The following IL1RAPL1 variants were observed in gnomAD, a reference collection of about 807,000 sequenced individuals.
IL1RAPL1 encodes interleukin-1 receptor accessory protein-like 1.
IL1RAPL1 carries 3 observed loss-of-function variants against 48.4 expected under a neutral mutation model. The ratio of observed to expected loss-of-function variants is 0.06; its 90% CI spans 0.03 to 0.16. The LOEUF is 0.16. IL1RAPL1 is among the 10% of genes least tolerant of loss of function. IL1RAPL1 has a pLI of 1.00. For synonymous variants in IL1RAPL1, 185 were observed against 187.7 expected (o/e 0.99, Z 0.12); for missense variants, 349 against 530.6 (o/e 0.66, Z 3.36).
At chrX:29,309,109 C>G (rs1222254905) in intron 3 of IL1RAPL1, among the ~76,000 whole-genome samples, 1 of 112,298 alleles carries the variant, frequency 8.9e-6, no homozygotes, top group Non-Finnish European at 1.9e-5. Context: ...TATTCTATCT[C>G]TTTTAGTCAA....
At chrX:29,711,671 T>C (rs1416954689) in intron 6 of IL1RAPL1, among the ~76,000 whole-genome samples, 6 of 111,530 alleles carry the variant, frequency 5.4e-5, no homozygotes, top group African/African-American at 2.0e-4. Flanking sequence ...CATGATTATC[T>C]AGATTCTATT....
At chrX:28,965,963 C>T (rs920689330) in intron 2 of IL1RAPL1, among the ~76,000 whole-genome samples, 1 of 106,901 alleles carries the variant, frequency 9.4e-6, no homozygotes, top group African/African-American at 3.4e-5. Flanking sequence ...AAAATACTCA[C>T]GAAGCCCTTT....
rs139201623 is a variant in IL1RAPL1, at chrX:29,681,278, G to T, written c.778+12774G>T. On this transcript the variant is annotated intron_variant, in intron 6 of 10. Transcript: ENST00000378993. The stretch of plus-strand genomic sequence containing the variant: ...AGCCGGTAGGCTCTGGATTCAGAAT[G>T]GCTATCACGAAATATGAATCTGTTC... 3.4e-3 allele frequency among the ~76,000 whole-genome samples: 385 copies of T among 112,275 alleles called. 3 individuals are homozygous for T. The highest frequency in any genetic ancestry group is 0.012 in the African/African-American group (366 of 30,928).
chrX:29,457,321 T>C (rs1934751746), intron 5 of IL1RAPL1, among the ~76,000 whole-genome samples: 1 of 109,703 alleles, frequency 9.1e-6, no homozygotes, highest in African/African-American at 3.3e-5. Flanking sequence ...TAATACCCAA[T>C]AGGATGTTTT....
chrX:29,676,175 A>G (rs1926281156), intron 6 of IL1RAPL1, among the ~76,000 whole-genome samples: 1 of 111,862 alleles, frequency 8.9e-6, no homozygotes, highest in Admixed American at 9.5e-5. Context: ...GTACCAAGAT[A>G]GTACTGCTTC....
intron 8 of IL1RAPL1, among the ~76,000 whole-genome samples, chrX:29,931,476 C>G (rs1201540660): frequency 9.0e-6 from 1 of 111,069 alleles, no homozygotes. Flanking sequence ...TTCAGTAAGT[C>G]AGAAATCCAT....
In IL1RAPL1 at chrX:28,840,952, A is replaced by G. The variant is rs751748570; in HGVS notation, c.82+51527A>G. Among the ~76,000 whole-genome samples, 20 of 111,414 alleles carry G rather than the reference A, an allele frequency of 1.8e-4. 1 individual carries two copies. In the South Asian group the frequency reaches 5.1e-3, roughly 29 times the overall value. On this transcript the variant is annotated intron_variant, in intron 2 of 10. Coordinates refer to ENST00000378993, the MANE Select transcript of IL1RAPL1 (RefSeq NM_014271.4). ...GTGGTCTTGTAAAATAGTCCTGTTT[A>G]TGAACAATTCTATTTCAGTACGACA...
At position 29,843,622 on chromosome X, in the gene IL1RAPL1, G is replaced by T. The variant is rs765377022; in HGVS notation, c.779-73842G>T. 9.9e-5 allele frequency among the ~76,000 whole-genome samples: 11 copies of T among 111,078 alleles called. 1 individual carries two copies. The South Asian group carries it at 3.8e-3, about 39-fold the overall frequency. On this transcript the variant is annotated intron_variant, in intron 6 of 10. Transcript: ENST00000378993. ...CGTAGGCAGGGCTTGGTCTTTTCTG[G>T]GGACTCTAGAAGGTAATTTGTTTCC...
chrX:29,509,913 A>G (rs1245954984), intron 5 of IL1RAPL1, among the ~76,000 whole-genome samples: 1 of 112,281 alleles, frequency 8.9e-6, no homozygotes, highest in Non-Finnish European at 1.9e-5. Flanking sequence ...ATTTAATAAA[A>G]TTGAAATAAA....
intron 6 of IL1RAPL1, among the ~76,000 whole-genome samples, chrX:29,672,538 C>G (rs761203470): frequency 2.8e-4 from 31 of 111,236 alleles, no homozygotes; most frequent in Non-Finnish European, 5.5e-4. Context: ...TAAATGTCTA[C>G]CCTTGAGAAA....
At chrX:29,333,288 CCA>C (rs1932910398) in intron 3 of IL1RAPL1, among the ~76,000 whole-genome samples, 1 of 108,875 alleles carries the variant, frequency 9.2e-6, no homozygotes, top group Non-Finnish European at 1.9e-5. Flanking sequence ...CTGACCCCCC[CCA>C]CCATCCTCCC....
chrX:29,329,483 G>T (rs1156831537), intron 3 of IL1RAPL1, among the ~76,000 whole-genome samples: 1 of 111,087 alleles, frequency 9.0e-6, no homozygotes, highest in African/African-American at 3.3e-5. Flanking sequence ...ACAAAACGTG[G>T]CCTATCTTTA....
At chrX:29,550,830 C>T (rs1297546636) in intron 5 of IL1RAPL1, among the ~76,000 whole-genome samples, 2 of 111,831 alleles carry the variant, frequency 1.8e-5, no homozygotes, top group Non-Finnish European at 3.8e-5. Context: ...GGTAAATAAT[C>T]GCATAACATA....
Position 29,319,470 on chromosome X carries a change from C to T in IL1RAPL1, c.362+36253C>T, listed in dbSNP as rs1176008044. 3.0e-5 allele frequency among the ~76,000 whole-genome samples: 3 copies of T among 99,236 alleles called. No homozygotes were observed. In the East Asian group the frequency reaches 9.4e-4, roughly 31 times the overall value. The allele number at this position is 99,236 out of a possible 115,157, so 86.2% of individuals were successfully genotyped here. A position where few individuals can be genotyped will look rare whatever the true frequency, so the allele number is the denominator to read the frequency against. On this transcript the variant is annotated intron_variant, in intron 3 of 10. Coordinates refer to ENST00000378993, the MANE Select transcript of IL1RAPL1 (RefSeq NM_014271.4). ...CCTCCTACCTCAGCCTCCCAAAGTG[C>T]TGGGATTATAGACATAAGTCACCAT...
Position 29,314,828 on chromosome X carries a change from T to A in IL1RAPL1, c.362+31611T>A, listed in dbSNP as rs569497248. Among the ~76,000 whole-genome samples, 43 of 112,631 alleles carry A rather than the reference T, an allele frequency of 3.8e-4. No homozygotes were observed. The South Asian group carries it at 0.016, about 41-fold the overall frequency. On this transcript the variant is annotated intron_variant, in intron 3 of 10. Coordinates refer to ENST00000378993, the MANE Select transcript of IL1RAPL1 (RefSeq NM_014271.4). ...ACTCTTAAAGTATCAACTCATTTTT[T>A]CATCCACTCTTCTAAAACATTCACC...
intron 6 of IL1RAPL1, among the ~76,000 whole-genome samples, chrX:29,811,593 G>T (rs752063985): frequency 9.0e-6 from 1 of 110,710 alleles, no homozygotes; most frequent in African/African-American, 3.3e-5. Flanking sequence ...GATCAATATC[G>T]CATCCTTCAG....
At chrX:28,667,932 A>G (rs1267288238) in intron 1 of IL1RAPL1, among the ~76,000 whole-genome samples, 1 of 111,408 alleles carries the variant, frequency 9.0e-6, no homozygotes, top group Non-Finnish European at 1.9e-5. Context: ...CTCTAATACC[A>G]TCACATTCTG....
chrX:29,575,318 G>A (rs1922739827), intron 5 of IL1RAPL1, among the ~76,000 whole-genome samples: 1 of 111,773 alleles, frequency 8.9e-6, no homozygotes, highest in Non-Finnish European at 1.9e-5. Context: ...TCCAAGCTGG[G>A]AAAACAAGGA....
intron 2 of IL1RAPL1, among the ~76,000 whole-genome samples, chrX:28,862,958 G>T (rs778856214): frequency 9.1e-6 from 1 of 109,931 alleles, no homozygotes; most frequent in African/African-American, 3.3e-5. Context: ...CTTGGCTCAC[G>T]GCAACATCCG....
Sources: gnomAD v4.1 joint callset for allele counts (sites outside exome capture counted in the v4.1 genomes callset) on GRCh38, gnomAD v4.1.1 for gene constraint, MANE v1.5 for transcripts, NCBI Gene and HGNC (gene_info 2026-07-23, HGNC 2026-07-21) for gene names.